The following XG variants were observed in gnomAD, a reference collection of about 807,000 sequenced individuals.
XG encodes the protein glycoprotein Xg.
A neutral mutation model predicts 25.7 loss-of-function variants in XG; 24 were observed. The observed-to-expected ratio is 0.93, with a 90% CI of 0.68 to 1.31. The LOEUF (loss-of-function observed/expected upper bound fraction) is 1.31, where lower values mean the gene tolerates loss of function less well. Among genes scored for constraint, XG ranks in the 40% most tolerant of loss-of-function variants. The pLI is 0.00. For missense variants in XG, 181 were observed against 187.6 expected (o/e 0.96, Z 0.21); for synonymous variants, 77 against 69.2 (o/e 1.11, Z -0.56).
chrX:2,760,734 CAAAAAAAAAAA>C (rs60707389), intron 1 of XG, among the ~76,000 whole-genome samples: 27 of 67,824 alleles, frequency 4.0e-4, no homozygotes, highest in African/African-American at 1.5e-3. Flanking sequence ...GGCTCTGTCT[CAAAAAAAAAAA>C]AAAAAAAAAA....
At chrX:2,763,871 G>A (rs1291148239) in intron 1 of XG, among the ~76,000 whole-genome samples, 2 of 152,112 alleles carry the variant, frequency 1.3e-5, no homozygotes, top group East Asian at 3.9e-4. Context: ...ACTGCACAGG[G>A]CCGGTGGACC....
chrX:2,770,517 TG>T, intron 1 of XG, 32 bp from the exon 2 acceptor site: 1 of 1,613,710 alleles, frequency 6.2e-7, no homozygotes, highest in Admixed American at 1.7e-5. Context: ...CTTTCCATCA[TG>T]GGGTGACTTA....
intron 7 of XG, among the ~76,000 whole-genome samples, chrX:2,801,709 T>C (rs1169042436): frequency 9.2e-6 from 1 of 108,503 alleles, no homozygotes; most frequent in African/African-American, 3.6e-5. Context: ...CTTTATTTTT[T>C]ATTTTTTATT....
chrX:2,754,153 C>T (rs143414768), intron 1 of XG, among the ~76,000 whole-genome samples: 175 of 152,072 alleles, frequency 1.2e-3, no homozygotes, highest in African/African-American at 4.0e-3. Context: ...GACTGGAGTG[C>T]GGTGGTTCCA....
chrX:2,773,023 A>G (rs2857321), intron 2 of XG, among the ~76,000 whole-genome samples: 1 of 143,428 alleles, frequency 7.0e-6, no homozygotes, highest in South Asian at 2.4e-4. Flanking sequence ...TTTAAAAAAT[A>G]GTTATAATTT....
intron 1 of XG, among the ~76,000 whole-genome samples, chrX:2,765,098 C>T (rs1395575164): frequency 1.4e-5 from 2 of 144,106 alleles, no homozygotes; most frequent in Admixed American, 7.0e-5. Context: ...CTGTAATCTC[C>T]GCACTTTGGG....
intron 3 of XG, chrX:2,775,038 G>C: frequency 2.5e-6 from 1 of 397,310 alleles, no homozygotes; most frequent in South Asian, 4.4e-5. Context: ...GTCTAAAATG[G>C]TACAGCCACT....
chrX:2,778,836 T>G, intron 3 of XG, among the ~76,000 whole-genome samples: 1 of 151,542 alleles, frequency 6.6e-6, no homozygotes, highest in African/African-American at 2.4e-5. Context: ...TGCAGTGGTG[T>G]GATCTCACCT....
chrX:2,766,607 C>A (rs2050699014), intron 1 of XG, among the ~76,000 whole-genome samples: 2 of 144,854 alleles, frequency 1.4e-5, no homozygotes, highest in South Asian at 4.5e-4. Flanking sequence ...CTCTGTCACC[C>A]AGGCTGGAGT....
chrX:2,783,371 GAGAGAA>G (rs1268189637), intron 4 of XG, among the ~76,000 whole-genome samples: 16 of 105,622 alleles, frequency 1.5e-4, no homozygotes, highest in East Asian at 1.5e-3. Context: ...TGGGCATGGA[GAGAGAA>G]AGAGAAAGAG....
At chrX:2,810,700 G>C (rs1484741016) in intron 9 of XG, among the ~76,000 whole-genome samples, 4 of 110,564 alleles carry the variant, frequency 3.6e-5, no homozygotes, top group Admixed American at 9.7e-5. Flanking sequence ...TGGATCACCT[G>C]AGGTCAAGAG....
chrX:2,766,052 A>AT (rs1181025281), intron 1 of XG, among the ~76,000 whole-genome samples: 20 of 152,228 alleles, frequency 1.3e-4, no homozygotes, highest in African/African-American at 4.1e-4. Context: ...GTGTAGAAAT[A>AT]GGGTTGGACA....
At chrX:2,799,364 G>A (rs905036447) in intron 7 of XG, among the ~76,000 whole-genome samples, 3 of 111,200 alleles carry the variant, frequency 2.7e-5, no homozygotes, top group Non-Finnish European at 5.7e-5. Context: ...GGTTAAGGGC[G>A]CGCCCCAGGA....
At chrX:2,814,271 G>A in intron 10 of XG, 93 bp from the exon 11 acceptor site, 1 of 1,038,804 alleles carries the variant, frequency 9.6e-7, no homozygotes, top group South Asian at 2.2e-5. Context: ...TCTTGTAACA[G>A]CATAGAATTG....
chrX:2,785,551 A>T (rs369183102), intron 4 of XG, among the ~76,000 whole-genome samples: 1 of 111,463 alleles, frequency 9.0e-6, no homozygotes, highest in East Asian at 2.8e-4. Context: ...TGGCTTAATG[A>T]TTTTGGGGTC....
At chrX:2,752,423 A>G (rs992155217) in intron 1 of XG, 88 bp downstream of exon 1, 198 of 1,574,256 alleles carry the variant, frequency 1.3e-4, no homozygotes, top group Non-Finnish European at 1.6e-4. Context: ...AGGAGTTGCT[A>G]TGAAGTGAAT....
intron 1 of XG, among the ~76,000 whole-genome samples, chrX:2,762,329 T>C: frequency 6.6e-6 from 1 of 152,182 alleles, no homozygotes; most frequent in South Asian, 2.1e-4. Flanking sequence ...AATCTGCAAC[T>C]GCATAATATG....
intron 1 of XG, among the ~76,000 whole-genome samples, chrX:2,759,197 C>T (rs2050506821): frequency 1.3e-5 from 2 of 152,066 alleles, no homozygotes; most frequent in African/African-American, 2.4e-5. Flanking sequence ...TTCTCGCATT[C>T]GGTGGGTGGA....
intron 7 of XG, among the ~76,000 whole-genome samples, chrX:2,804,570 A>G (rs1284817746): frequency 1.8e-5 from 2 of 111,225 alleles, no homozygotes; most frequent in Non-Finnish European, 1.9e-5. Flanking sequence ...CAGCCTACGA[A>G]TGAGCCTTTT....
Sources: gnomAD v4.1 joint callset for allele counts (sites outside exome capture counted in the v4.1 genomes callset) on GRCh38, gnomAD v4.1.1 for gene constraint, MANE v1.5 for transcripts, NCBI Gene and HGNC (gene_info 2026-07-23, HGNC 2026-07-21) for gene names.